FAAH2: variants seen among roughly 807,000 people sequenced by gnomAD.
FAAH2 encodes fatty-acid amide hydrolase 2.
A neutral mutation model predicts 36.9 loss-of-function variants in FAAH2; 60 were observed. That is an observed-to-expected ratio of 1.63 (90% CI 1.32 to 2.02). The LOEUF (loss-of-function observed/expected upper bound fraction) is 2.02. Ranked by LOEUF, FAAH2 falls within the 30% of genes most tolerant of loss-of-function variation. The pLI, the probability that FAAH2 is intolerant of heterozygous loss-of-function variation, is 0.00. For synonymous variants in FAAH2, 214 were observed against 143.8 expected (o/e 1.49, Z -3.49); for missense variants, 689 against 397.5 (o/e 1.73, Z -6.23).
chrX:57,485,162 C>G (rs1044779444), intron 10 of FAAH2, among the ~76,000 whole-genome samples: 1 of 112,044 alleles, frequency 8.9e-6, no homozygotes. Flanking sequence ...ACGTGTTACA[C>G]CCACACTTTC....
chrX:57,341,630 A>G (rs758331530), intron 5 of FAAH2, among the ~76,000 whole-genome samples: 1 of 107,458 alleles, frequency 9.3e-6, no homozygotes, highest in Non-Finnish European at 1.9e-5. Context: ...TTTTTTTTTC[A>G]GAAAGTTATC....
intron 3 of FAAH2, among the ~76,000 whole-genome samples, chrX:57,321,745 A>G (rs970663148): frequency 4.5e-5 from 5 of 110,724 alleles, no homozygotes; most frequent in African/African-American, 1.6e-4. Flanking sequence ...TAGCCTGTTT[A>G]CATTCAAGGT....
intron 2 of FAAH2, among the ~76,000 whole-genome samples, chrX:57,301,480 G>T (rs1382201222): frequency 5.2e-5 from 5 of 96,954 alleles, no homozygotes; most frequent in Non-Finnish European, 1.0e-4. Flanking sequence ...GGGGAGGGGG[G>T]ATGGATAGCA....
chrX:57,157,730 CT>C, the FAAH2 span, among the ~76,000 whole-genome samples: 1 of 112,015 alleles, frequency 8.9e-6, no homozygotes, highest in South Asian at 3.8e-4. Context: ...TGCATGAATA[CT>C]TGTTTATTTT....
At chrX:57,428,350 A>C (rs1239914880) in intron 7 of FAAH2, among the ~76,000 whole-genome samples, 1 of 104,393 alleles carries the variant, frequency 9.6e-6, no homozygotes, top group Non-Finnish European at 2.0e-5. Context: ...TTCAATTCTC[A>C]TCAAAATACC....
At chrX:57,464,642 C>T (rs1393785895) in intron 10 of FAAH2, among the ~76,000 whole-genome samples, 3 of 108,409 alleles carry the variant, frequency 2.8e-5, no homozygotes, top group Non-Finnish European at 5.7e-5. Flanking sequence ...TATTTGCAAA[C>T]TATACATCCA....
At chrX:57,140,932 T>C in the FAAH2 span, among the ~76,000 whole-genome samples, 2 of 111,777 alleles carry the variant, frequency 1.8e-5, no homozygotes, top group South Asian at 7.4e-4. Context: ...CATTATGCAG[T>C]GTATTTATGT....
At chrX:57,180,129 C>T in the FAAH2 span, among the ~76,000 whole-genome samples, 1 of 111,588 alleles carries the variant, frequency 9.0e-6, no homozygotes, top group Non-Finnish European at 1.9e-5. Flanking sequence ...TTAAGCAGTA[C>T]ATTTATAGCA....
In FAAH2 at chrX:57,286,706, A is replaced by G. The variant is rs1206173337; in HGVS notation, c.-120A>G. The G allele has an allele frequency of 3.8e-5, 26 of 682,831 alleles. No individual in the cohort carries two copies. Among genetic ancestry groups the G allele is most frequent in the Non-Finnish European group, 5.0e-5 (25 of 501,929 alleles). 56.3% of individuals were successfully genotyped at this position (682,831 alleles called of 1,213,427 possible). ...AACAAGCTCCTGTGGAATTGTGGGT[A>G]GACACTGGACTTGTAAACGAAAAGC... On this transcript the variant is annotated 5_prime_UTR_variant, in exon 1 of 11. Coordinates refer to ENST00000374900, the MANE Select transcript of FAAH2 (RefSeq NM_174912.4).
At chrX:57,288,510 C>T (rs1046204997) in intron 1 of FAAH2, among the ~76,000 whole-genome samples, 11 of 107,873 alleles carry the variant, frequency 1.0e-4, no homozygotes, top group African/African-American at 3.4e-4. Context: ...CCACCATGCC[C>T]GGCTAATATT....
intron 7 of FAAH2, among the ~76,000 whole-genome samples, chrX:57,416,066 T>C (rs1464217942): frequency 1.8e-5 from 2 of 111,391 alleles, no homozygotes; most frequent in Non-Finnish European, 3.8e-5. Context: ...TGTTTTTGCT[T>C]TCCATTTGCT....
chrX:57,253,053 A>G, the FAAH2 span, among the ~76,000 whole-genome samples: 1 of 112,134 alleles, frequency 8.9e-6, no homozygotes, highest in Non-Finnish European at 1.9e-5. Flanking sequence ...TAGAATAACC[A>G]GTGTACAGAA....
intron 8 of FAAH2, 69 bp downstream of exon 8, chrX:57,432,106 C>T: frequency 1.1e-6 from 1 of 948,112 alleles, no homozygotes; most frequent in South Asian, 2.7e-5. Context: ...TATTGTGGTC[C>T]ATATGTTAGA....
At chrX:57,223,575 C>T in the FAAH2 span, among the ~76,000 whole-genome samples, 1 of 111,117 alleles carries the variant, frequency 9.0e-6, no homozygotes. Context: ...CTCAGTGTCA[C>T]CCCAAGGCTC....
At chrX:57,252,033 C>T in the FAAH2 span, among the ~76,000 whole-genome samples, 13 of 112,823 alleles carry the variant, frequency 1.2e-4, no homozygotes, top group South Asian at 4.3e-3. Context: ...TCACAACCAA[C>T]AGACCAGGAG....
At chrX:57,202,648 A>G in the FAAH2 span, among the ~76,000 whole-genome samples, 2 of 111,557 alleles carry the variant, frequency 1.8e-5, no homozygotes, top group African/African-American at 6.5e-5. Context: ...GCTACTATCT[A>G]TGTACACTTA....
At chrX:57,366,553 A>T (rs2054421713) in intron 5 of FAAH2, among the ~76,000 whole-genome samples, 2 of 112,422 alleles carry the variant, frequency 1.8e-5, no homozygotes, top group African/African-American at 6.5e-5. Flanking sequence ...AAGCTTGCTC[A>T]TGCCTGCAGG....
At chrX:57,315,601 C>G (rs1021526803) in intron 3 of FAAH2, among the ~76,000 whole-genome samples, 1 of 111,879 alleles carries the variant, frequency 8.9e-6, no homozygotes, top group Non-Finnish European at 1.9e-5. Flanking sequence ...AAGATTGGAT[C>G]AACATATGCA....
chrX:57,488,719 G>T lies in FAAH2; in HGVS notation c.1424-38G>T, dbSNP rs373212585. The T allele has an allele frequency of 3.8e-5, 45 of 1,188,296 alleles. No homozygotes were observed. The South Asian group carries it at 7.1e-4, about 19-fold the overall frequency. On this transcript the variant is annotated intron_variant, in intron 10 of 10. Transcript: ENST00000374900. ...TTGAAAAAATACGTTTTCAGGAACA[G>T]GTCTTGATTTCTCACTTATTTTGTT...
Sources: allele counts gnomAD v4.1 joint callset (sites outside exome capture counted in the v4.1 genomes callset), GRCh38; gene constraint gnomAD v4.1.1; transcripts MANE v1.5; gene names NCBI Gene and HGNC (gene_info 2026-07-23, HGNC 2026-07-21).